The following RARB variants were observed in gnomAD, a reference collection of about 807,000 sequenced individuals.
RARB encodes retinoic acid receptor beta, also known as HBV-activated protein.
A neutral mutation model predicts 51.9 loss-of-function variants in RARB; 17 were observed. That is an observed-to-expected ratio of 0.33 (90% CI 0.22 to 0.49). The LOEUF (loss-of-function observed/expected upper bound fraction) is 0.49. Among genes scored for constraint, RARB ranks in the 20% least tolerant of loss-of-function variants. The probability of loss-of-function intolerance (pLI) is 0.99; values close to 1 mark genes in which losing one functional copy is unlikely to be tolerated. For synonymous variants in RARB, 215 were observed against 195.4 expected (o/e 1.10, Z -0.84); for missense variants, 369 against 550.8 (o/e 0.67, Z 3.30).
At chr3:25,344,620 A>G (rs1375404829) in intron 5 of RARB, among the ~76,000 whole-genome samples, 3 of 152,214 alleles carry the variant, frequency 2.0e-5, no homozygotes, top group African/African-American at 4.8e-5. Flanking sequence ...AAGTTCCAAG[A>G]TGGGACCCCT....
chr3:25,241,221 A>G (rs1702422985), intron 5 of RARB, among the ~76,000 whole-genome samples: 1 of 152,118 alleles, frequency 6.6e-6, no homozygotes, highest in Non-Finnish European at 1.5e-5. Context: ...TATTTGTACA[A>G]TTTCCAAAGT....
At chr3:25,534,821 T>C (rs1286667) in intron 3 of RARB, among the ~76,000 whole-genome samples, 61,027 of 152,082 alleles carry the variant, frequency 0.4, 14,477 homozygotes, top group African/African-American at 0.67. Flanking sequence ...GCTGGGCTGC[T>C]AGTGCCCTGA....
intron 5 of RARB, among the ~76,000 whole-genome samples, chr3:25,189,716 GTC>G (rs958092351): frequency 4.6e-5 from 7 of 152,052 alleles, no homozygotes; most frequent in Admixed American, 2.0e-4. Flanking sequence ...GCAAAACCCT[GTC>G]TCTATAAAAA....
At chr3:25,349,822 C>T (rs1343212405) in intron 5 of RARB, among the ~76,000 whole-genome samples, 1 of 152,136 alleles carries the variant, frequency 6.6e-6, no homozygotes, top group Non-Finnish European at 1.5e-5. Context: ...TGTTTCTTTG[C>T]TCATGAGTCT....
chr3:25,241,045 TTAAGTC>T (rs1702418653), intron 5 of RARB, among the ~76,000 whole-genome samples: 1 of 152,204 alleles, frequency 6.6e-6, no homozygotes, highest in Non-Finnish European at 1.5e-5. Flanking sequence ...TTCTTCTTGA[TTAAGTC>T]TAAGTAGATT....
At chr3:24,959,820 C>T (rs893122532) in intron 2 of RARB, among the ~76,000 whole-genome samples, 2 of 152,206 alleles carry the variant, frequency 1.3e-5, no homozygotes, top group African/African-American at 4.8e-5. Flanking sequence ...AGGAGAAGCA[C>T]CTAATCTAAG....
In RARB at chr3:25,056,428, T is replaced by C. The variant is rs1284474498; in HGVS notation, c.-379-3697T>C. On this transcript the variant is annotated intron_variant, in intron 2 of 11. Transcript: ENST00000383772. ...CCCAGTAGCCTATCAGTTTGCAACA[T>C]TGACTGTCTAAAATAAATGACCTTA... Among the ~76,000 whole-genome samples the C allele has an allele frequency of 3.3e-5, 5 of 152,300 alleles. No homozygotes were observed. In the East Asian group the frequency reaches 5.8e-4, roughly 18 times the overall value.
intron 5 of RARB, among the ~76,000 whole-genome samples, chr3:25,584,933 T>C (rs1701325168): frequency 1.3e-5 from 2 of 151,880 alleles, no homozygotes; most frequent in Non-Finnish European, 2.9e-5. Context: ...TGCCACAGTA[T>C]TTATCTCCTC....
intron 2 of RARB, among the ~76,000 whole-genome samples, chr3:25,495,198 G>T (rs368275570): frequency 1.3e-5 from 2 of 152,270 alleles, no homozygotes; most frequent in East Asian, 3.9e-4. Context: ...GTGAAACGGG[G>T]TTCATGTGTG....
intron 5 of RARB, among the ~76,000 whole-genome samples, chr3:25,194,474 A>AGT (rs544212832): frequency 4.0e-5 from 6 of 150,338 alleles, no homozygotes; most frequent in Admixed American, 1.3e-4. Context: ...TATATACAGT[A>AGT]GTGTGTATAT....
intron 5 of RARB, among the ~76,000 whole-genome samples, chr3:25,268,520 A>G (rs1385345100): frequency 1.3e-5 from 2 of 152,164 alleles, no homozygotes; most frequent in Non-Finnish European, 2.9e-5. Flanking sequence ...TTAGCATTTG[A>G]TACATTCCAT....
chr3:24,832,652 A>ATATATATATAT (rs1491520085), intron 1 of RARB, among the ~76,000 whole-genome samples: 10 of 61,072 alleles, frequency 1.6e-4, no homozygotes, highest in African/African-American at 9.5e-4. Flanking sequence ...TATATATATA[A>ATATATATATAT]TGTCAATTAA....
intron 1 of RARB, among the ~76,000 whole-genome samples, chr3:25,437,756 A>G (rs904887004): frequency 3.3e-5 from 5 of 152,226 alleles, no homozygotes; most frequent in African/African-American, 9.6e-5. Context: ...AAAGTAGTTC[A>G]CAAAGGAGTT....
At chr3:25,430,152 G>T (rs2125514732) in intron 1 of RARB, among the ~76,000 whole-genome samples, 1 of 152,322 alleles carries the variant, frequency 6.6e-6, no homozygotes, top group Admixed American at 6.5e-5. Context: ...CAACAGCCTG[G>T]CTGTCTGACT....
At chr3:24,949,221 G>C (rs1695837081) in intron 2 of RARB, among the ~76,000 whole-genome samples, 1 of 152,162 alleles carries the variant, frequency 6.6e-6, no homozygotes, top group African/African-American at 2.4e-5. Flanking sequence ...GACCAGGCGT[G>C]AACAGTCATG....
At chr3:25,518,676 A>G (rs1435702) in intron 3 of RARB, among the ~76,000 whole-genome samples, 21,952 of 152,148 alleles carry the variant, frequency 0.14, 3,177 homozygotes, top group African/African-American at 0.38. Flanking sequence ...TTCAAATTCT[A>G]TACTTTAAAA....
At chr3:25,236,057 T>A (rs990121416) in intron 5 of RARB, among the ~76,000 whole-genome samples, 9 of 152,198 alleles carry the variant, frequency 5.9e-5, no homozygotes, top group Non-Finnish European at 7.4e-5. Flanking sequence ...TTTAACTCTA[T>A]CTTCTTTGGT....
At chr3:25,102,908 G>A (rs1201857835) in intron 3 of RARB, among the ~76,000 whole-genome samples, 2 of 152,136 alleles carry the variant, frequency 1.3e-5, no homozygotes. Flanking sequence ...AAAATTAGCT[G>A]GTGGTGGTGA....
At chr3:25,313,426 T>C (rs1704339513) in intron 5 of RARB, among the ~76,000 whole-genome samples, 2 of 152,228 alleles carry the variant, frequency 1.3e-5, no homozygotes, top group South Asian at 4.1e-4. Flanking sequence ...GTAATGCTTA[T>C]GCCTAATGTA....
Sources: gnomAD v4.1 joint callset for allele counts (sites outside exome capture counted in the v4.1 genomes callset) on GRCh38, gnomAD v4.1.1 for gene constraint, MANE v1.5 for transcripts, NCBI Gene and HGNC (gene_info 2026-07-23, HGNC 2026-07-21) for gene names.